Variants in SMOC1 observed in about 807,000 individuals in gnomAD.
SMOC1 encodes SPARC-related modular calcium-binding protein 1.
A neutral mutation model predicts 56.3 loss-of-function variants in SMOC1; 22 were observed. The ratio of observed to expected loss-of-function variants is 0.39; its 90% CI spans 0.28 to 0.56. The LOEUF (loss-of-function observed/expected upper bound fraction) is 0.56. SMOC1 is among the 20% of genes least tolerant of loss of function. The probability of loss-of-function intolerance (pLI) is 0.61; values close to 1 mark genes in which losing one functional copy is unlikely to be tolerated. For synonymous variants in SMOC1, 193 were observed against 215.0 expected (o/e 0.90, Z 0.89); for missense variants, 509 against 565.4 (o/e 0.90, Z 1.01).
At chr14:69,953,960 G>T (rs940014365) in intron 3 of SMOC1, among the ~76,000 whole-genome samples, 2 of 152,110 alleles carry the variant, frequency 1.3e-5, no homozygotes, top group Admixed American at 1.3e-4. Context: ...GTCCTTGAAC[G>T]AAGCAGAGCC....
chr14:70,019,316 A>G (rs1251859972), intron 10 of SMOC1, among the ~76,000 whole-genome samples: 1 of 152,242 alleles, frequency 6.6e-6, no homozygotes, highest in Admixed American at 6.5e-5. Context: ...ATAGTCTTCT[A>G]AAATCTGGAA....
intron 5 of SMOC1, among the ~76,000 whole-genome samples, chr14:69,978,491 C>G (rs181954347): frequency 1.2e-4 from 19 of 152,252 alleles, no homozygotes; most frequent in Admixed American, 2.6e-4. Context: ...ATAATTCTGT[C>G]TTTGAGTCTG....
chr14:69,999,136 C>G (rs1884877573), intron 7 of SMOC1, among the ~76,000 whole-genome samples: 1 of 152,188 alleles, frequency 6.6e-6, no homozygotes, highest in African/African-American at 2.4e-5. Flanking sequence ...ACTGTGTTTT[C>G]TCATGTCACC....
intron 1 of SMOC1, among the ~76,000 whole-genome samples, chr14:69,932,688 C>T (rs1443610648): frequency 1.3e-5 from 2 of 152,176 alleles, no homozygotes; most frequent in Admixed American, 6.5e-5. Flanking sequence ...GGGACCGACC[C>T]CTGTGCTTTG....
At chr14:69,927,202 C>T (rs1254574353) in intron 1 of SMOC1, among the ~76,000 whole-genome samples, 2 of 152,232 alleles carry the variant, frequency 1.3e-5, no homozygotes, top group Non-Finnish European at 2.9e-5. Flanking sequence ...TGCTGACTGA[C>T]TTCCAGTTGT....
At chr14:69,890,446 A>G (rs1291750744) in intron 1 of SMOC1, among the ~76,000 whole-genome samples, 1 of 152,160 alleles carries the variant, frequency 6.6e-6, no homozygotes, top group Non-Finnish European at 1.5e-5. Flanking sequence ...GATCATGGGG[A>G]TGTTCAATTT....
chr14:69,994,346 A>T, intron 6 of SMOC1, 54 bp from the exon 7 acceptor site: 1 of 1,383,212 alleles, frequency 7.2e-7, no homozygotes, highest in Non-Finnish European at 1.0e-6. Context: ...TTACACTTCC[A>T]CTCACATAGT....
At chr14:69,938,479 C>T (rs979341848) in intron 1 of SMOC1, among the ~76,000 whole-genome samples, 5 of 131,224 alleles carry the variant, frequency 3.8e-5, no homozygotes, top group Non-Finnish European at 6.5e-5. Context: ...AGCTCTGCAG[C>T]AGGATGAGAA....
At chr14:69,936,559 C>T (rs1011904344) in intron 1 of SMOC1, among the ~76,000 whole-genome samples, 5 of 152,240 alleles carry the variant, frequency 3.3e-5, no homozygotes, top group Non-Finnish European at 7.3e-5. Context: ...CCTCCCACTG[C>T]GAGTCTGGGC....
chr14:70,026,190 C>G (rs1368185672), intron 11 of SMOC1, among the ~76,000 whole-genome samples: 1 of 152,190 alleles, frequency 6.6e-6, no homozygotes, highest in Non-Finnish European at 1.5e-5. Flanking sequence ...GGTCCTTTCG[C>G]AGAGCACAGT....
chr14:70,007,114 A>T (rs545708286), intron 7 of SMOC1, among the ~76,000 whole-genome samples: 99 of 152,238 alleles, frequency 6.5e-4, no homozygotes, highest in Non-Finnish European at 1.2e-3. Flanking sequence ...TGTGGCAAGA[A>T]GATGATCTTG....
chr14:69,963,157 G>C (rs1229483104), intron 3 of SMOC1, among the ~76,000 whole-genome samples: 4 of 151,886 alleles, frequency 2.6e-5, no homozygotes. Flanking sequence ...CTTTGTAATT[G>C]GACAGTGAGA....
intron 1 of SMOC1, among the ~76,000 whole-genome samples, chr14:69,893,846 A>G (rs1884026636): frequency 6.6e-6 from 1 of 152,164 alleles, no homozygotes; most frequent in Non-Finnish European, 1.5e-5. Context: ...TGAAACAATT[A>G]AGTTAAAATG....
intron 2 of SMOC1, 55 bp from the exon 3 acceptor site, chr14:69,953,365 C>A: frequency 1.3e-6 from 2 of 1,541,456 alleles, no homozygotes; most frequent in Non-Finnish European, 1.8e-6. Flanking sequence ...TTTTGTCCCT[C>A]GGCCCCAGTG....
At chr14:70,009,333 C>T (rs1344133680) in intron 7 of SMOC1, among the ~76,000 whole-genome samples, 1 of 152,140 alleles carries the variant, frequency 6.6e-6, no homozygotes, top group Non-Finnish European at 1.5e-5. Flanking sequence ...TATCATCTGA[C>T]TTATCTGTAA....
intron 1 of SMOC1, among the ~76,000 whole-genome samples, chr14:69,950,459 C>A (rs147593031): frequency 6.6e-6 from 1 of 152,354 alleles, no homozygotes; most frequent in African/African-American, 2.4e-5. Context: ...CCCACAAATA[C>A]ATTAGAGACA....
chr14:69,949,267 G>A (rs1018179245), intron 1 of SMOC1, among the ~76,000 whole-genome samples: 4 of 152,156 alleles, frequency 2.6e-5, no homozygotes, highest in African/African-American at 7.2e-5. Flanking sequence ...TGGCCCCAGC[G>A]ATCCCTGGGG....
At chr14:70,026,188 C>T (rs943832340) in intron 11 of SMOC1, among the ~76,000 whole-genome samples, 2 of 152,204 alleles carry the variant, frequency 1.3e-5, no homozygotes, top group African/African-American at 2.4e-5. Context: ...GTGGTCCTTT[C>T]GCAGAGCACA....
chr14:69,963,973 C>A (rs1013813736), intron 3 of SMOC1, among the ~76,000 whole-genome samples: 9 of 152,170 alleles, frequency 5.9e-5, no homozygotes, highest in Admixed American at 2.6e-4. Context: ...GTGGATGGAG[C>A]ACGCTTTGTG....
Sources: allele counts gnomAD v4.1 joint callset (sites outside exome capture counted in the v4.1 genomes callset), GRCh38; gene constraint gnomAD v4.1.1; transcripts MANE v1.5; gene names NCBI Gene and HGNC (gene_info 2026-07-23, HGNC 2026-07-21).